GSE1: variants seen among roughly 807,000 people sequenced by gnomAD.
GSE1 encodes genetic suppressor element 1.
Under a neutral mutation model 112.6 loss-of-function variants are expected in GSE1, and 32 were observed. That is an observed-to-expected ratio of 0.28 (90% CI 0.21 to 0.38). The LOEUF (loss-of-function observed/expected upper bound fraction) is 0.38. GSE1 is among the 10% of genes least tolerant of loss of function. The pLI, the probability that GSE1 is intolerant of heterozygous loss-of-function variation, is 1.00. For synonymous variants in GSE1, 1,115 were observed against 735.6 expected (o/e 1.52, Z -8.35); for missense variants, 2,348 against 1,699.2 (o/e 1.38, Z -6.71).
intron 1 of GSE1, among the ~76,000 whole-genome samples, chr16:85,189,133 A>G (rs2074771107): frequency 6.6e-6 from 1 of 151,864 alleles, no homozygotes. Context: ...TTTCTTTCAC[A>G]TTTCTGCCTA....
In GSE1 at chr16:85,214,158, T is replaced by A. The variant is rs935734193; in HGVS notation, c.2283+42351T>A. ...TCCGAGACTGGCGTGCCCGCCGGCC[T>A]CTCCCTCTGTGGGCGGCCTCCGCTC... On this transcript the variant is annotated intron_variant, in intron 1 of 2. Transcript: ENST00000637419. Among the ~76,000 whole-genome samples the A allele has an allele frequency of 2.0e-5, 3 of 152,106 alleles. 1 individual carries two copies. The highest frequency in any genetic ancestry group is 7.2e-5 in the African/African-American group (3 of 41,384).
At chr16:85,169,714 T>G in exon 1 of GSE1, 1 of 982,314 alleles carries the variant, frequency 1.0e-6, no homozygotes, top group African/African-American at 1.8e-5. Flanking sequence ...CTTCTTCCCG[T>G]TCCTGCAGCA....
chr16:85,274,773 C>T (rs1411103651), intron 1 of GSE1, among the ~76,000 whole-genome samples: 1 of 152,226 alleles, frequency 6.6e-6, no homozygotes, highest in East Asian at 1.9e-4. Context: ...CACGTCCAGC[C>T]ACTGGCACCT....
At chr16:85,610,695 C>T (rs2151531223), upstream of GSE1, among the ~76,000 whole-genome samples, 1 of 151,218 alleles carries the variant, frequency 6.6e-6, no homozygotes, top group Middle Eastern at 3.4e-3. Context: ...CCGGCGGTTG[C>T]CGGGGTGTCC....
intron 1 of GSE1, among the ~76,000 whole-genome samples, chr16:85,582,354 G>A (rs1408483303): frequency 6.6e-6 from 1 of 152,230 alleles, no homozygotes; most frequent in Non-Finnish European, 1.5e-5. Context: ...TGCAGAAGCT[G>A]GCTGCGGTTC....
intron 2 of GSE1, among the ~76,000 whole-genome samples, chr16:85,524,987 CCAAA>C (rs1213472438): frequency 7.9e-5 from 12 of 152,184 alleles, no homozygotes; most frequent in Admixed American, 2.6e-4. Context: ...TCCCCTTTCC[CCAAA>C]CAAACAACCT....
intron 1 of GSE1, among the ~76,000 whole-genome samples, chr16:85,591,121 CT>C (rs1328777735): frequency 6.6e-6 from 1 of 152,200 alleles, no homozygotes. Context: ...TACAGACCCC[CT>C]GACATTGGTG....
chr16:85,536,861 C>G lies in GSE1; in HGVS notation c.2465-97053C>G, dbSNP rs541741645. Among the ~76,000 whole-genome samples the G allele has an allele frequency of 7.9e-5, 12 of 152,350 alleles. No individual in the cohort carries two copies. The South Asian group carries it at 2.5e-3, about 32-fold the overall frequency. On this transcript the variant is annotated intron_variant, in intron 2 of 2. Coordinates refer to the GSE1 transcript ENST00000637419. ...GCTGCTGTCAGGAAAGATCATGGGT[C>G]ACAGGGGAAGTCTGTAGAAACTCAG...
chr16:85,640,981 C>T (rs62051380), intron 2 of GSE1, among the ~76,000 whole-genome samples: 2 of 152,298 alleles, frequency 1.3e-5, no homozygotes, highest in African/African-American at 2.4e-5. Flanking sequence ...CCACCTATCC[C>T]GACCCCTTCT....
At chr16:85,524,317 T>C (rs2052291986) in intron 2 of GSE1, among the ~76,000 whole-genome samples, 1 of 151,932 alleles carries the variant, frequency 6.6e-6, no homozygotes, top group Admixed American at 6.6e-5. Context: ...CCAGTCCTGC[T>C]GCTTGCCGGC....
chr16:85,267,270 T>C (rs1908346460), intron 1 of GSE1, among the ~76,000 whole-genome samples: 1 of 152,092 alleles, frequency 6.6e-6, no homozygotes, highest in Non-Finnish European at 1.5e-5. Flanking sequence ...TGGCAGTGGA[T>C]AGCTAACCTC....
At chr16:85,413,088 T>C (rs955069645) in intron 2 of GSE1, among the ~76,000 whole-genome samples, 1 of 152,218 alleles carries the variant, frequency 6.6e-6, no homozygotes, top group Admixed American at 6.5e-5. Flanking sequence ...GCTGCTCTGC[T>C]TGTCTCTTGG....
intron 1 of GSE1, among the ~76,000 whole-genome samples, chr16:85,202,569 G>A (rs896221341): frequency 2.6e-5 from 4 of 152,222 alleles, no homozygotes; most frequent in African/African-American, 4.8e-5. Context: ...GGGCTCACCC[G>A]AGGCAGAACC....
chr16:85,568,043 G>T (rs1315090686), intron 1 of GSE1, among the ~76,000 whole-genome samples: 2 of 152,154 alleles, frequency 1.3e-5, no homozygotes, highest in Non-Finnish European at 2.9e-5. Flanking sequence ...ACCTCTTAAT[G>T]GGGGAATGGT....
chr16:85,331,969 C>T (rs1322852061), intron 1 of GSE1, among the ~76,000 whole-genome samples: 1 of 152,058 alleles, frequency 6.6e-6, no homozygotes, highest in Non-Finnish European at 1.5e-5. Context: ...GGGGTGTGTA[C>T]ACCTGAATCA....
At chr16:85,232,691 A>G (rs1904300162) in intron 1 of GSE1, among the ~76,000 whole-genome samples, 1 of 152,148 alleles carries the variant, frequency 6.6e-6, no homozygotes, top group Non-Finnish European at 1.5e-5. Flanking sequence ...CCTGCGAAAC[A>G]ACAGTCTCCT....
At chr16:85,466,682 A>C (rs930261976) in intron 2 of GSE1, among the ~76,000 whole-genome samples, 13 of 149,458 alleles carry the variant, frequency 8.7e-5, no homozygotes, top group African/African-American at 3.0e-4. Flanking sequence ...AATTAAAAAA[A>C]AAAAGAAATA....
At chr16:85,611,725 G>C (rs866412678), upstream of GSE1, among the ~76,000 whole-genome samples, 191 of 152,204 alleles carry the variant, frequency 1.3e-3, no homozygotes, top group Middle Eastern at 6.8e-3. Context: ...GCCCCCCGGA[G>C]GGCACACAGG....
intron 1 of GSE1, among the ~76,000 whole-genome samples, chr16:85,570,714 C>T (rs933482145): frequency 1.3e-5 from 2 of 152,208 alleles, no homozygotes; most frequent in African/African-American, 4.8e-5. Flanking sequence ...ACGTTGGCTT[C>T]TTGCAAGTGC....
Sources: allele counts gnomAD v4.1 joint callset (sites outside exome capture counted in the v4.1 genomes callset), GRCh38; gene constraint gnomAD v4.1.1; transcripts MANE v1.5; gene names NCBI Gene and HGNC (gene_info 2026-07-23, HGNC 2026-07-21).